The following NUMBL variants were observed in gnomAD, a reference collection of about 807,000 sequenced individuals.
NUMBL encodes the protein numb-like protein.
In NUMBL, 20 loss-of-function variants were observed where a neutral mutation model predicts 48.9. The observed-to-expected ratio is 0.41, with a 90% CI of 0.29 to 0.59. The LOEUF (loss-of-function observed/expected upper bound fraction) is 0.59. Among genes scored for constraint, NUMBL ranks in the 20% least tolerant of loss-of-function variants. NUMBL has a pLI of 0.31. For synonymous variants in NUMBL, 340 were observed against 348.7 expected (o/e 0.98, Z 0.28); for missense variants, 660 against 846.2 (o/e 0.78, Z 2.73).
At position 40,677,569 on chromosome 19, in the gene NUMBL, G is replaced by C. The variant is rs917033969; in HGVS notation, c.541-148C>G. 1.0e-5 allele frequency: 7 copies of C among 675,700 alleles called. No individual in the cohort carries two copies. In the East Asian group the frequency reaches 1.7e-4, roughly 16 times the overall value. The allele number at this position is 675,700 out of a possible 1,614,324, so 41.9% of individuals were successfully genotyped here. On this transcript the variant is annotated intron_variant, in intron 6 of 9. Coordinates refer to ENST00000252891, the MANE Select transcript of NUMBL (RefSeq NM_004756.5). ...CCTCAGTGCTCATCTGCACCACAAG[G>C]AAGGGCTGGAAATGACAGCTCCAAG... is the stretch of plus-strand genomic sequence containing the variant.
chr19:40,667,547 A>G lies in NUMBL; in HGVS notation c.1751T>C (p.Leu584Ser). Residue 584 changes from leucine (L) to serine (S), a missense_variant, in exon 10 of 10, where the codon TTA (leucine) becomes TCA (serine). Transcript: ENST00000252891. The surrounding 1 kb of genome is among the most constrained non-coding windows in gnomAD (Gnocchi z 6.1). ...TTTCTCTACAGTGGCTTTGCCTTCT[A>G]ATGCCGCCCACTGGGCCTCAAAGGG... ...LDPFEAQWAA[L>S]EGKATVEKPS... 1 of 1,566,198 alleles carries G rather than the reference A, an allele frequency of 6.4e-7. No homozygotes were observed. Among genetic ancestry groups the G allele is most frequent in the Non-Finnish European group, 8.7e-7 (1 of 1,154,808 alleles).
At chr19:40,674,526 G>C (rs886393583) in intron 7 of NUMBL, among the ~76,000 whole-genome samples, 1 of 152,070 alleles carries the variant, frequency 6.6e-6, no homozygotes, top group Non-Finnish European at 1.5e-5. Flanking sequence ...GGGCCTCCCC[G>C]AGCTGCAGCC....
In NUMBL at chr19:40,684,825, G is replaced by T. The variant is rs1015719017; in HGVS notation, c.110-269C>A. On this transcript the variant is annotated intron_variant, in intron 2 of 9. Transcript: ENST00000252891. ...AAGGGGCTGGAGGTCTGGGGTGGGGGGTATGGGGCACAGGCTTCAGGGCAT... is the reference window on the plus strand; with the variant it reads ...AAGGGGCTGGAGGTCTGGGGTGGGGTGTATGGGGCACAGGCTTCAGGGCAT... 60 of 454,074 alleles carry T rather than the reference G, an allele frequency of 1.3e-4. 1 individual carries two copies. Among genetic ancestry groups the T allele is most frequent in the Admixed American group, 1.0e-3 (26 of 25,078 alleles). 28.1% of individuals were successfully genotyped at this position (454,074 alleles called of 1,614,324 possible). A position where few individuals can be genotyped will look rare whatever the true frequency, so the allele number is the denominator to read the frequency against.
chr19:40,682,962 C>T lies in NUMBL; in HGVS notation c.256G>A (p.Gly86Ser). The T allele has an allele frequency of 6.2e-7, 1 of 1,612,602 alleles. No homozygotes were observed. The highest frequency in any genetic ancestry group is 8.5e-7 in the Non-Finnish European group (1 of 1,179,770). ...CGGGACTCCTCTACCTCCACGTGACCCAGGTACTTGGGTTGGAGGGAATGG... is the reference window on the plus strand; with the variant it reads ...CGGGACTCCTCTACCTCCACGTGACTCAGGTACTTGGGTTGGAGGGAATGG... ...GTCSFPVRYL[G>S]HVEVEESRGM... Residue 86 changes from glycine to serine, a missense_variant, in exon 4 of 10, where the codon GGT becomes AGT. Physicochemically the swap from Gly to Ser is moderately conservative, Grantham distance 56. Coordinates refer to ENST00000252891, the MANE Select transcript of NUMBL (RefSeq NM_004756.5). The surrounding 1 kb of genome is among the most constrained non-coding windows in gnomAD (Gnocchi z 4.0).
intron 2 of NUMBL, among the ~76,000 whole-genome samples, chr19:40,686,459 G>C (rs1302564641): frequency 6.6e-6 from 1 of 152,180 alleles, no homozygotes; most frequent in Non-Finnish European, 1.5e-5. Flanking sequence ...CACCACGCCC[G>C]GCCAAGAGTG....
At chr19:40,681,521 G>C (rs1004750550) in intron 5 of NUMBL, among the ~76,000 whole-genome samples, 2 of 152,110 alleles carry the variant, frequency 1.3e-5, no homozygotes, top group African/African-American at 2.4e-5. Context: ...GCAGTCTCTG[G>C]GCTGGGGGCA....
intron 7 of NUMBL, among the ~76,000 whole-genome samples, chr19:40,675,382 G>A (rs1372345096): frequency 1.3e-5 from 2 of 151,604 alleles, no homozygotes; most frequent in Non-Finnish European, 2.9e-5. Flanking sequence ...ATCACATCTC[G>A]CATCTATTAA....
intron 9 of NUMBL, among the ~76,000 whole-genome samples, chr19:40,669,227 T>A (rs1313448917): frequency 6.6e-6 from 1 of 151,728 alleles, no homozygotes; most frequent in Non-Finnish European, 1.5e-5. Flanking sequence ...ATGATCTGTG[T>A]TTCTAAGGTG....
At chr19:40,680,801 G>T in intron 6 of NUMBL, 116 bp downstream of exon 6, 1 of 1,169,102 alleles carries the variant, frequency 8.6e-7, no homozygotes. Flanking sequence ...TTCTCCAGAT[G>T]AGGAAACTGG....
chr19:40,675,759 ACACT>A (rs1233912730), intron 7 of NUMBL, among the ~76,000 whole-genome samples: 1 of 152,152 alleles, frequency 6.6e-6, no homozygotes, highest in African/African-American at 2.4e-5. Context: ...ACACACACAC[ACACT>A]CTCTCTCTCA....
chr19:40,678,875 G>A (rs558096266), intron 6 of NUMBL, among the ~76,000 whole-genome samples: 16 of 152,328 alleles, frequency 1.1e-4, no homozygotes, highest in African/African-American at 3.8e-4. Context: ...CAAATCACTT[G>A]AGGCCAGGAG....
intron 8 of NUMBL, among the ~76,000 whole-genome samples, chr19:40,671,472 A>G (rs1475788880): frequency 1.3e-5 from 2 of 152,156 alleles, no homozygotes; most frequent in African/African-American, 4.8e-5. Context: ...GAGGCTTCCA[A>G]ATAAAGCCTG....
In NUMBL at chr19:40,667,543, T is replaced by G; in HGVS notation, c.1755A>C (p.Glu585Asp). ...AGGGTTTCTCTACAGTGGCTTTGCC[T>G]TCTAATGCCGCCCACTGGGCCTCAA... ...DPFEAQWAAL[E>D]GKATVEKPSN... The change falls in exon 10 of 10, where the codon GAA (glutamate) becomes GAC (aspartate). Residue 585 changes from glutamate (E) to aspartate (D), a missense_variant. Around this residue, in one of 3 missense-constraint regions of NUMBL, gnomAD observed 296 missense variants for 339.7 expected, o/e 0.87. Coordinates refer to ENST00000252891, the MANE Select transcript of NUMBL (RefSeq NM_004756.5). The surrounding 1 kb of genome is among the most constrained non-coding windows in gnomAD (Gnocchi z 6.1). The G allele has an allele frequency of 1.3e-6, 2 of 1,569,236 alleles. No homozygotes were observed. The highest frequency in any genetic ancestry group is 2.3e-5 in the East Asian group (1 of 43,028).
chr19:40,682,701 T>C lies in NUMBL; in HGVS notation c.399+27A>G, dbSNP rs1264716084. 6.2e-6 allele frequency: 10 copies of C among 1,610,100 alleles called. No individual in the cohort carries two copies. Among genetic ancestry groups the C allele is most frequent in the Non-Finnish European group, 6.8e-6 (8 of 1,177,320 alleles). ...CAGCAGGGTGAGCAGACAGGCCCCC[T>C]GGCGTCCACCCCCACAGGCCTCCTA... is the stretch of plus-strand genomic sequence containing the variant. On this transcript the variant is annotated intron_variant, in intron 5 of 9. Transcript: ENST00000252891. The surrounding 1 kb of genome is among the most constrained non-coding windows in gnomAD (Gnocchi z 4.0).
intron 3 of NUMBL, 46 bp from the exon 4 acceptor site, chr19:40,683,014 A>C (rs765283821): frequency 6.5e-7 from 1 of 1,538,728 alleles, no homozygotes; most frequent in South Asian, 1.1e-5. Context: ...CAGCACAGTA[A>C]TCACTCATTC....
At chr19:40,678,595 C>T (rs1247012586) in intron 6 of NUMBL, among the ~76,000 whole-genome samples, 4 of 152,200 alleles carry the variant, frequency 2.6e-5, no homozygotes, top group Non-Finnish European at 5.9e-5. Flanking sequence ...CCATTTGACA[C>T]CCTGACCTCA....
intron 2 of NUMBL, chr19:40,684,764 G>A (rs545278762): frequency 3.5e-5 from 21 of 592,080 alleles, no homozygotes; most frequent in African/African-American, 3.1e-4. Context: ...AGGGGAGTGC[G>A]AAAGTTGGGC....
At chr19:40,674,724 G>A (rs1295440282) in intron 7 of NUMBL, among the ~76,000 whole-genome samples, 1 of 152,146 alleles carries the variant, frequency 6.6e-6, no homozygotes, top group Non-Finnish European at 1.5e-5. Context: ...ACCTCAGGAA[G>A]TCCCCTCCCC....
In NUMBL at chr19:40,667,864, G is replaced by A. The variant is rs144210832; in HGVS notation, c.1434C>T (p.Ala478=). The A allele has an allele frequency of 2.4e-3, 3,736 of 1,588,458 alleles. 41 individuals carry two copies. The highest frequency in any genetic ancestry group is 0.018 in the East Asian group (786 of 43,460). Residue 478 remains alanine (A), a synonymous_variant, in exon 10 of 10, where the codon GCC becomes GCT. Coordinates refer to ENST00000252891, the MANE Select transcript of NUMBL (RefSeq NM_004756.5). This position sits in a 1 kb window ranked among gnomAD's most constrained non-coding sequence, Gnocchi z 6.1. ...GCATGTGTGGGGGTGGCAGGAACAC[G>A]GCCACTTGGGCAGGTGCAGCGTCAA... ...GPFDAAPAQV[A]VFLPPPHMQP...
Sources: allele counts gnomAD v4.1 joint callset (sites outside exome capture counted in the v4.1 genomes callset), GRCh38; gene constraint gnomAD v4.1.1; regional missense constraint gnomAD v4.1.1; non-coding constraint Gnocchi (gnomAD v3.1); transcripts MANE v1.5; gene names NCBI Gene and HGNC (gene_info 2026-07-23, HGNC 2026-07-21).